The following ITPR1 variants were observed in gnomAD, a reference collection of about 807,000 sequenced individuals.
ITPR1 encodes the protein inositol 1,4,5-trisphosphate receptor type 1, also known as inositol 1,4,5-trisphosphate-gated calcium channel ITPR1.
In ITPR1, 96 loss-of-function variants were observed where a neutral mutation model predicts 318.4. That is an observed-to-expected ratio of 0.30 (90% CI 0.26 to 0.36). ITPR1 has a LOEUF of 0.36. Ranked by LOEUF, ITPR1 falls within the 10% of genes least tolerant of loss-of-function variation. The pLI is 1.00. For synonymous variants in ITPR1, 1,312 were observed against 1,289.9 expected (o/e 1.02, Z -0.37); for missense variants, 2,440 against 3,460.2 (o/e 0.71, Z 7.40).
chr3:4,675,287 C>T, intron 23 of ITPR1, 39 bp downstream of exon 23: 3 of 1,469,342 alleles, frequency 2.0e-6, no homozygotes, highest in Non-Finnish European at 1.9e-6. Flanking sequence ...GAGAGATGCC[C>T]TCCAGCCTTT....
At chr3:4,535,662 G>A (rs1409783404) in intron 4 of ITPR1, among the ~76,000 whole-genome samples, 1 of 151,788 alleles carries the variant, frequency 6.6e-6, no homozygotes, top group Non-Finnish European at 1.5e-5. Context: ...AGCCAGGATG[G>A]TCTCAATCTC....
Position 4,504,509 on chromosome 3 carries a change from G to C in ITPR1, c.-17+10003G>C, listed in dbSNP as rs113317912. ...TCCCAGAGAAGTGCTTTTTGCAAGAGAATAAATTATCTGATGATGGGGACA... is the reference window on the plus strand; with the variant it reads ...TCCCAGAGAAGTGCTTTTTGCAAGACAATAAATTATCTGATGATGGGGACA... On this transcript the variant is annotated intron_variant, in intron 2 of 61. Coordinates refer to ENST00000649015, the MANE Select transcript of ITPR1 (RefSeq NM_001378452.1). Among the ~76,000 whole-genome samples the C allele has an allele frequency of 7.0e-3, 1,071 of 152,242 alleles. 12 individuals are homozygous for C. Among genetic ancestry groups the C allele is most frequent in the African/African-American group, 0.024 (992 of 41,556 alleles).
intron 4 of ITPR1, among the ~76,000 whole-genome samples, chr3:4,599,562 C>T (rs1201548046): frequency 6.6e-6 from 1 of 152,170 alleles, no homozygotes; most frequent in African/African-American, 2.4e-5. Context: ...CTTTGGTCCT[C>T]ACCTTACAGT....
chr3:4,627,741 T>G, intron 4 of ITPR1, 22 bp from the exon 5 acceptor site: 2 of 1,501,876 alleles, frequency 1.3e-6, no homozygotes, highest in Non-Finnish European at 1.9e-6. Flanking sequence ...TGGCAATTTC[T>G]GTTTGTTTGC....
chr3:4,840,475 T>A (rs1474725734), intron 61 of ITPR1, among the ~76,000 whole-genome samples: 4 of 152,134 alleles, frequency 2.6e-5, no homozygotes, highest in Non-Finnish European at 5.9e-5. Context: ...TTGTTGTTGT[T>A]GTTGTTTGTT....
intron 2 of ITPR1, among the ~76,000 whole-genome samples, chr3:4,514,040 T>C (rs572290746): frequency 6.6e-6 from 1 of 152,018 alleles, no homozygotes; most frequent in East Asian, 1.9e-4. Flanking sequence ...TGAGCTGAGA[T>C]TGTGCCACTG....
At chr3:4,759,171 T>A (rs1300828857) in intron 44 of ITPR1, among the ~76,000 whole-genome samples, 1 of 152,234 alleles carries the variant, frequency 6.6e-6, no homozygotes, top group Non-Finnish European at 1.5e-5. Context: ...GGGGTGGCTC[T>A]TGTTCCTGAA....
chr3:4,784,066 A>G, intron 51 of ITPR1, 146 bp downstream of exon 51: 1 of 590,970 alleles, frequency 1.7e-6, no homozygotes, highest in Non-Finnish European at 3.0e-6. Context: ...TGGGTGCTGG[A>G]CATCCCATGG....
At chr3:4,629,078 A>G (rs2092932229) in intron 5 of ITPR1, among the ~76,000 whole-genome samples, 1 of 136,350 alleles carries the variant, frequency 7.3e-6, no homozygotes, top group South Asian at 2.2e-4. Context: ...GCTCACTCCC[A>G]TTGAACCTAA....
intron 4 of ITPR1, among the ~76,000 whole-genome samples, chr3:4,610,794 A>C (rs897176139): frequency 6.6e-6 from 1 of 151,934 alleles, no homozygotes; most frequent in Non-Finnish European, 1.5e-5. Context: ...TTTCCAGAAC[A>C]TACTGGTTTT....
chr3:4,661,189 C>T (rs750540701), intron 14 of ITPR1, 102 bp downstream of exon 14: 7 of 650,684 alleles, frequency 1.1e-5, no homozygotes, highest in Non-Finnish European at 1.9e-5. Context: ...AGATTTGTTG[C>T]TTTGGCGAGA....
At chr3:4,536,255 G>C (rs1438968976) in intron 4 of ITPR1, among the ~76,000 whole-genome samples, 1 of 152,150 alleles carries the variant, frequency 6.6e-6, no homozygotes, top group African/African-American at 2.4e-5. Flanking sequence ...ATTACATATT[G>C]ATACATTTTC....
chr3:4,650,783 C>T (rs551805195), intron 10 of ITPR1, among the ~76,000 whole-genome samples: 38 of 152,214 alleles, frequency 2.5e-4, no homozygotes, highest in East Asian at 1.5e-3. Context: ...GACCAACCCA[C>T]GCAGACATGT....
At chr3:4,562,111 A>G (rs2086735977) in intron 4 of ITPR1, among the ~76,000 whole-genome samples, 1 of 151,778 alleles carries the variant, frequency 6.6e-6, no homozygotes, top group Non-Finnish European at 1.5e-5. Context: ...AAATAAATAA[A>G]TGCAAAAAAA....
intron 34 of ITPR1, 22 bp downstream of exon 34, chr3:4,697,294 A>AG: frequency 6.5e-7 from 1 of 1,541,930 alleles, no homozygotes; most frequent in Non-Finnish European, 8.8e-7. Flanking sequence ...GGAACTGAGG[A>AG]GGCAGAGTTG....
intron 4 of ITPR1, among the ~76,000 whole-genome samples, chr3:4,607,818 A>G (rs1285188980): frequency 6.6e-6 from 1 of 152,046 alleles, no homozygotes; most frequent in Non-Finnish European, 1.5e-5. Context: ...ACTTGAAAAG[A>G]TACCTCAAAA....
chr3:4,565,676 C>T (rs982340050), intron 4 of ITPR1, among the ~76,000 whole-genome samples: 4 of 152,110 alleles, frequency 2.6e-5, no homozygotes, highest in Non-Finnish European at 5.9e-5. Flanking sequence ...GTCGGAATGG[C>T]TACTAATTCT....
At chr3:4,627,312 A>G (rs1270124543) in intron 4 of ITPR1, among the ~76,000 whole-genome samples, 1 of 152,164 alleles carries the variant, frequency 6.6e-6, no homozygotes, top group East Asian at 1.9e-4. Context: ...AAAATATAAA[A>G]AATTAGCCAG....
At chr3:4,502,017 G>A (rs747749222) in intron 2 of ITPR1, among the ~76,000 whole-genome samples, 3 of 152,326 alleles carry the variant, frequency 2.0e-5, no homozygotes, top group Non-Finnish European at 1.5e-5. Flanking sequence ...TTCAGAAGGA[G>A]CTTTGTCTGG....
Sources: allele counts gnomAD v4.1 joint callset (sites outside exome capture counted in the v4.1 genomes callset), GRCh38; gene constraint gnomAD v4.1.1; transcripts MANE v1.5; gene names NCBI Gene and HGNC (gene_info 2026-07-23, HGNC 2026-07-21).